The following PCDH9 variants were observed in gnomAD, a reference collection of about 807,000 sequenced individuals.
The protein encoded by PCDH9 is protocadherin-9.
PCDH9 carries 24 observed loss-of-function variants against 70.6 expected under a neutral mutation model. That is an observed-to-expected ratio of 0.34 (90% CI 0.25 to 0.48). The LOEUF is 0.48. PCDH9 is among the 20% of genes least tolerant of loss of function. The probability of loss-of-function intolerance (pLI) is 0.99; values close to 1 mark genes in which losing one functional copy is unlikely to be tolerated. For synonymous variants in PCDH9, 562 were observed against 558.5 expected (o/e 1.01, Z -0.09); for missense variants, 1,281 against 1,503.6 (o/e 0.85, Z 2.45).
At chr13:66,649,095 T>C (rs1241186854) in intron 3 of PCDH9, among the ~76,000 whole-genome samples, 1 of 152,058 alleles carries the variant, frequency 6.6e-6, no homozygotes, top group Non-Finnish European at 1.5e-5. Flanking sequence ...ACATCTAAGA[T>C]TTGTTGGTCT....
intron 4 of PCDH9, among the ~76,000 whole-genome samples, chr13:66,424,572 AG>A (rs1443476303): frequency 2.6e-5 from 4 of 152,000 alleles, no homozygotes; most frequent in Admixed American, 6.6e-5. Context: ...ATAAAGTAAA[AG>A]TCTGTATAGC....
At chr13:66,407,501 G>A (rs1300710790) in intron 4 of PCDH9, among the ~76,000 whole-genome samples, 1 of 152,114 alleles carries the variant, frequency 6.6e-6, no homozygotes, top group Admixed American at 6.5e-5. Flanking sequence ...TCCTGAGGAG[G>A]GGGGTGTTGT....
chr13:66,856,084 A>G (rs2081390383), intron 3 of PCDH9, among the ~76,000 whole-genome samples: 1 of 151,982 alleles, frequency 6.6e-6, no homozygotes, highest in African/African-American at 2.4e-5. Flanking sequence ...TTTTATCTTC[A>G]GATTTTCTTT....
chr13:66,453,361 T>C (rs1218427515), intron 4 of PCDH9, among the ~76,000 whole-genome samples: 1 of 152,228 alleles, frequency 6.6e-6, no homozygotes, highest in Non-Finnish European at 1.5e-5. Flanking sequence ...TAAAGTAAGC[T>C]GACCTAGAGA....
intron 2 of PCDH9, chr13:67,222,544 G>A (rs954841520): frequency 6.6e-5 from 10 of 152,006 alleles, no homozygotes; most frequent in East Asian, 1.9e-4. Context: ...TTATGTTTTC[G>A]TTATACATAC....
intron 2 of PCDH9, among the ~76,000 whole-genome samples, chr13:67,074,030 TTCTA>T (rs35805308): frequency 0.15 from 22,660 of 148,896 alleles, 1,815 homozygotes; most frequent in East Asian, 0.23. Flanking sequence ...TGAGATGAAA[TTCTA>T]TCTATCTATC....
intron 3 of PCDH9, among the ~76,000 whole-genome samples, chr13:66,759,494 T>A (rs971426790): frequency 6.6e-6 from 1 of 152,152 alleles, no homozygotes; most frequent in African/African-American, 2.4e-5. Flanking sequence ...ATCTAATGAT[T>A]GGTAAATAAG....
chr13:66,776,454 C>T (rs1012188629), intron 3 of PCDH9, among the ~76,000 whole-genome samples: 63 of 150,904 alleles, frequency 4.2e-4, no homozygotes, highest in African/African-American at 1.5e-3. Flanking sequence ...AATCAATGTA[C>T]AAAAATCACA....
intron 4 of PCDH9, among the ~76,000 whole-genome samples, chr13:66,551,496 CAT>C (rs1961488330): frequency 6.6e-6 from 1 of 152,108 alleles, no homozygotes; most frequent in Non-Finnish European, 1.5e-5. Context: ...GTTCTAGAAA[CAT>C]GTCAAATTTA....
chr13:66,461,502 C>A (rs1490864615), intron 4 of PCDH9, among the ~76,000 whole-genome samples: 1 of 150,428 alleles, frequency 6.6e-6, no homozygotes, highest in Non-Finnish European at 1.5e-5. Context: ...AATGCATACA[C>A]CTTCTAATCC....
intron 2 of PCDH9, among the ~76,000 whole-genome samples, chr13:67,171,571 T>G (rs2088286257): frequency 6.6e-6 from 1 of 152,246 alleles, no homozygotes. Flanking sequence ...AAATTGTGAC[T>G]GTAGTCATTT....
intron 4 of PCDH9, among the ~76,000 whole-genome samples, chr13:66,521,493 G>C (rs112986329): frequency 1.3e-5 from 2 of 152,206 alleles, no homozygotes; most frequent in East Asian, 1.9e-4. Context: ...AGCTAACATA[G>C]AATTTCAATT....
chr13:66,468,838 A>G (rs1424179599), intron 4 of PCDH9, among the ~76,000 whole-genome samples: 1 of 152,108 alleles, frequency 6.6e-6, no homozygotes, highest in Non-Finnish European at 1.5e-5. Context: ...GCATTCTTCT[A>G]TATACTCCCT....
intron 4 of PCDH9, among the ~76,000 whole-genome samples, chr13:66,416,025 A>T (rs1216784213): frequency 1.3e-4 from 20 of 152,198 alleles, no homozygotes. Context: ...GCAAAACATT[A>T]ACAGATGTGA....
intron 2 of PCDH9, among the ~76,000 whole-genome samples, chr13:67,089,055 A>G (rs915663783): frequency 6.6e-6 from 1 of 151,960 alleles, no homozygotes; most frequent in Non-Finnish European, 1.5e-5. Context: ...TTTTTCACCC[A>G]GTGAAGTTTT....
chr13:67,001,626 A>T (rs1165142652), intron 2 of PCDH9, among the ~76,000 whole-genome samples: 1 of 152,164 alleles, frequency 6.6e-6, no homozygotes, highest in African/African-American at 2.4e-5. Flanking sequence ...AGAGAGGGCA[A>T]CATGGGATCT....
At position 66,729,517 on chromosome 13, in the gene PCDH9, A is replaced by C. The variant is rs567560987; in HGVS notation, c.3139-98106T>G. On this transcript the variant is annotated intron_variant, in intron 3 of 4. Coordinates refer to ENST00000377865, the MANE Select transcript of PCDH9 (RefSeq NM_203487.3). ...TTTATACCTTCCTCTTAGCTTCAGTAGGAAGTCCAAACTTCTCAAAATGTT... is the reference window on the plus strand; with the variant it reads ...TTTATACCTTCCTCTTAGCTTCAGTCGGAAGTCCAAACTTCTCAAAATGTT... 3.9e-5 allele frequency among the ~76,000 whole-genome samples: 6 copies of C among 152,284 alleles called. No homozygotes were observed. The South Asian group carries it at 1.2e-3, about 32-fold the overall frequency.
chr13:66,712,505 G>A (rs9571634), intron 3 of PCDH9, among the ~76,000 whole-genome samples: 1 of 151,776 alleles, frequency 6.6e-6, no homozygotes, highest in Non-Finnish European at 1.5e-5. Flanking sequence ...ATAGGCATGA[G>A]AAAATTTAAA....
In PCDH9 at chr13:66,339,241, A is replaced by C. The variant is rs556497862; in HGVS notation, c.3341-34213T>G. Among the ~76,000 whole-genome samples the C allele has an allele frequency of 2.2e-3, 340 of 152,180 alleles. 2 individuals are homozygous for C. Among genetic ancestry groups the C allele is most frequent in the East Asian group, 0.012 (60 of 5,190 alleles). On this transcript the variant is annotated intron_variant, in intron 4 of 4. Coordinates refer to ENST00000377865, the MANE Select transcript of PCDH9 (RefSeq NM_203487.3). Reference sequence around the variant, plus strand: ...GTAGTAATGAGAACAACAACAACAAAAAAACAGTATTACTTTATTTTTTAA... The same window carrying C: ...GTAGTAATGAGAACAACAACAACAACAAAACAGTATTACTTTATTTTTTAA...
Sources: allele counts gnomAD v4.1 joint callset (sites outside exome capture counted in the v4.1 genomes callset), GRCh38; gene constraint gnomAD v4.1.1; transcripts MANE v1.5; gene names NCBI Gene and HGNC (gene_info 2026-07-23, HGNC 2026-07-21).